Variants in RAD51B observed in about 807,000 individuals in gnomAD.
RAD51B encodes DNA repair protein RAD51 homolog 2.
In RAD51B, 38 loss-of-function variants were observed where a neutral mutation model predicts 42.2. The observed-to-expected ratio is 0.90, with a 90% CI of 0.70 to 1.18. RAD51B has a LOEUF of 1.18. Ranked by LOEUF, RAD51B falls within the 50% of genes most tolerant of loss-of-function variation. The pLI is 0.00. For synonymous variants in RAD51B, 154 were observed against 145.2 expected (o/e 1.06, Z -0.43); for missense variants, 373 against 400.7 (o/e 0.93, Z 0.59).
chr14:67,819,978 T>C (rs2040569868), intron 1 of RAD51B, 125 bp downstream of exon 1: 1 of 152,154 alleles, frequency 6.6e-6, no homozygotes. Context: ...TGGGTGCTGG[T>C]CACGCCCCCT....
At chr14:68,168,161 A>G (rs1055938483) in intron 7 of RAD51B, among the ~76,000 whole-genome samples, 5 of 152,264 alleles carry the variant, frequency 3.3e-5, no homozygotes, top group Admixed American at 1.3e-4. Flanking sequence ...TCAGATAGGA[A>G]GAGGCTCTAA....
At chr14:68,146,157 A>G (rs1427673395) in intron 7 of RAD51B, among the ~76,000 whole-genome samples, 1 of 152,188 alleles carries the variant, frequency 6.6e-6, no homozygotes, top group Non-Finnish European at 1.5e-5. Flanking sequence ...AGAGCAAGAA[A>G]AGAAAGTTTA....
chr14:68,569,264 T>C (rs1889575013), intron 10 of RAD51B, among the ~76,000 whole-genome samples: 1 of 152,162 alleles, frequency 6.6e-6, no homozygotes, highest in African/African-American at 2.4e-5. Flanking sequence ...GCAGCCCCCA[T>C]AGGGGTTAGG....
intron 10 of RAD51B, among the ~76,000 whole-genome samples, chr14:68,524,247 A>C (rs370123780): frequency 6.6e-6 from 1 of 152,360 alleles, no homozygotes; most frequent in South Asian, 2.1e-4. Flanking sequence ...ACGATCCTCA[A>C]ATGAGCTATG....
chr14:68,442,527 G>A (rs976494952), intron 9 of RAD51B, among the ~76,000 whole-genome samples: 7 of 129,628 alleles, frequency 5.4e-5, no homozygotes, highest in Non-Finnish European at 1.1e-4. Flanking sequence ...TGCAACCTCC[G>A]CCTCCTGGGT....
chr14:68,084,405 C>T (rs181712421), intron 7 of RAD51B, among the ~76,000 whole-genome samples: 3 of 152,278 alleles, frequency 2.0e-5, no homozygotes, highest in Admixed American at 2.0e-4. Flanking sequence ...TCACTGGGGG[C>T]TGTTCTGTAC....
intron 7 of RAD51B, among the ~76,000 whole-genome samples, chr14:67,909,895 A>G (rs1436376579): frequency 3.3e-5 from 5 of 152,274 alleles, no homozygotes; most frequent in South Asian, 2.1e-4. Flanking sequence ...GGCTCAAGCC[A>G]TCCTCCCATC....
Position 67,937,437 on chromosome 14 carries a change from C to T in RAD51B, c.756+50233C>T, listed in dbSNP as rs538415493. Among the ~76,000 whole-genome samples, 25 of 152,250 alleles carry T rather than the reference C, an allele frequency of 1.6e-4. 1 individual carries two copies. The South Asian group carries it at 2.3e-3, about 14-fold the overall frequency. On this transcript the variant is annotated intron_variant, in intron 7 of 10. Coordinates refer to ENST00000471583, the MANE Select transcript of RAD51B (RefSeq NM_133510.4). ...AACCAACCGGTTCTAGCAGAGATGA[C>T]GATAATTCTACTTTTGTCAAATCAC...
intron 7 of RAD51B, among the ~76,000 whole-genome samples, chr14:68,078,186 A>G (rs890741087): frequency 6.6e-6 from 1 of 152,152 alleles, no homozygotes; most frequent in Non-Finnish European, 1.5e-5. Flanking sequence ...GGAAATAAAA[A>G]AAAGTTTTTT....
intron 7 of RAD51B, among the ~76,000 whole-genome samples, chr14:68,094,580 T>G (rs1808497648): frequency 6.6e-6 from 1 of 152,156 alleles, no homozygotes; most frequent in South Asian, 2.1e-4. Context: ...ACAATTAAGT[T>G]TTTGCTTATG....
At chr14:68,080,288 A>G (rs1010850753) in intron 7 of RAD51B, among the ~76,000 whole-genome samples, 3 of 152,014 alleles carry the variant, frequency 2.0e-5, no homozygotes, top group Non-Finnish European at 4.4e-5. Context: ...AATCTTATTT[A>G]TTTTCTGTCC....
At chr14:68,105,113 CT>C (rs758724955) in intron 7 of RAD51B, among the ~76,000 whole-genome samples, 2,577 of 141,576 alleles carry the variant, frequency 0.018, 19 homozygotes, top group Middle Eastern at 0.022. Context: ...CTCCAGGAAT[CT>C]TTTTTTTTTT....
intron 8 of RAD51B, among the ~76,000 whole-genome samples, chr14:68,373,801 A>T (rs2083308719): frequency 6.6e-6 from 1 of 152,208 alleles, no homozygotes; most frequent in Non-Finnish European, 1.5e-5. Flanking sequence ...AGAATTTTTA[A>T]AAAAGATTTT....
intron 7 of RAD51B, among the ~76,000 whole-genome samples, chr14:68,290,420 C>A (rs1350599480): frequency 6.6e-6 from 1 of 152,140 alleles, no homozygotes; most frequent in African/African-American, 2.4e-5. Flanking sequence ...CTCTAGGCTT[C>A]TAAACAATAA....
At chr14:68,222,502 G>A (rs1274661) in intron 7 of RAD51B, among the ~76,000 whole-genome samples, 26,629 of 151,984 alleles carry the variant, frequency 0.18, 2,486 homozygotes, top group Middle Eastern at 0.36. Context: ...TAAGAATGAT[G>A]CATGGGACTT....
At chr14:67,824,233 G>A (rs995340536) in intron 2 of RAD51B, among the ~76,000 whole-genome samples, 12 of 151,746 alleles carry the variant, frequency 7.9e-5, no homozygotes, top group African/African-American at 2.7e-4. Flanking sequence ...CTAGATTTAA[G>A]GTTTTATCTT....
At chr14:68,645,670 T>C (rs1216226490) in intron 10 of RAD51B, among the ~76,000 whole-genome samples, 1 of 152,222 alleles carries the variant, frequency 6.6e-6, no homozygotes, top group Non-Finnish European at 1.5e-5. Flanking sequence ...CCTGTTTTTC[T>C]CCTTTTTTTA....
intron 8 of RAD51B, among the ~76,000 whole-genome samples, chr14:68,311,971 G>C (rs1046585933): frequency 6.6e-6 from 1 of 152,202 alleles, no homozygotes; most frequent in Non-Finnish European, 1.5e-5. Context: ...CAGACCCATT[G>C]AAACTCAGCA....
rs1303360734 is a variant in RAD51B, at chr14:67,843,704, A to G, written c.315+8508A>G. 2.8e-5 allele frequency among the ~76,000 whole-genome samples: 4 copies of G among 142,066 alleles called. No homozygotes were observed. In the Admixed American group the frequency reaches 2.9e-4, roughly 10 times the overall value. The allele number at this position is 142,066 out of a possible 152,430, so 93.2% of individuals were successfully genotyped here. ...ATTTCTGTGGGGTCGATGGAATATC[A>G]CCTTTGTCATTTCTGATTGTTTATT... On this transcript the variant is annotated intron_variant, in intron 4 of 10. Coordinates refer to ENST00000471583, the MANE Select transcript of RAD51B (RefSeq NM_133510.4).
Sources: allele counts gnomAD v4.1 joint callset (sites outside exome capture counted in the v4.1 genomes callset), GRCh38; gene constraint gnomAD v4.1.1; transcripts MANE v1.5; gene names NCBI Gene and HGNC (gene_info 2026-07-23, HGNC 2026-07-21).